Variants in MGST1 observed in about 807,000 individuals in gnomAD.
MGST1 encodes glutathione S-transferase 12.
Under a neutral mutation model 8.9 loss-of-function variants are expected in MGST1, and 5 were observed. The ratio of observed to expected loss-of-function variants is 0.56; its 90% CI spans 0.29 to 1.19. The LOEUF (loss-of-function observed/expected upper bound fraction) is 1.19. MGST1 is among the 50% of genes most tolerant of loss of function. The pLI, the probability that MGST1 is intolerant of heterozygous loss-of-function variation, is 0.08. For synonymous variants in MGST1, 54 were observed against 67.8 expected (o/e 0.80, Z 1.00); for missense variants, 182 against 187.4 (o/e 0.97, Z 0.17).
chr12:16,347,904 T>G lies in MGST1; in HGVS notation c.-23+194T>G, dbSNP rs901835443. 2 of 152,214 alleles carry G rather than the reference T, an allele frequency of 1.3e-5. No homozygotes were observed. The highest frequency in any genetic ancestry group is 4.8e-5 in the African/African-American group (2 of 41,448). 9.4% of individuals were successfully genotyped at this position (152,214 alleles called of 1,614,324 possible). On this transcript the variant is annotated intron_variant, in intron 1 of 3. Transcript: ENST00000396210. The surrounding 1 kb of genome is among the most constrained non-coding windows in gnomAD (Gnocchi z 4.0). ...GTATTTCTGTCCCCGTGCGGGTAAG[T>G]TTTCCCATTTCTCAAACTCCAGGAA...
chr12:16,364,453 T>C (rs1338636081), downstream of MGST1: 9 of 956,578 alleles, frequency 9.4e-6, no homozygotes, highest in African/African-American at 1.8e-5. The surrounding 1 kb of genome is among the most constrained non-coding windows in gnomAD (Gnocchi z 5.7). Flanking sequence ...TTTTCAAAAG[T>C]TTCAAACCTA....
intron 4 of MGST1, chr12:16,549,097 C>T (rs1384900995): frequency 1.3e-5 from 2 of 152,176 alleles, no homozygotes; most frequent in African/African-American, 4.8e-5. Context: ...TATAATTTTA[C>T]ATCCATGTGA....
intron 1 of MGST1, among the ~76,000 whole-genome samples, chr12:16,430,516 G>T (rs750809935): frequency 2.0e-5 from 3 of 152,190 alleles, no homozygotes; most frequent in Non-Finnish European, 2.9e-5. Context: ...AATGGATATT[G>T]TGTTAGCAGG....
At chr12:16,526,108 G>A (rs1269039984) in intron 4 of MGST1, among the ~76,000 whole-genome samples, 7 of 147,650 alleles carry the variant, frequency 4.7e-5, no homozygotes, top group Admixed American at 4.7e-4. Context: ...TGTTCACTCT[G>A]ATGGTAGTTT....
chr12:16,512,505 C>T (rs903206116), intron 4 of MGST1, among the ~76,000 whole-genome samples: 1 of 152,120 alleles, frequency 6.6e-6, no homozygotes, highest in African/African-American at 2.4e-5. Context: ...ACCAATAAAA[C>T]AATGTAAAAA....
intron 1 of MGST1, among the ~76,000 whole-genome samples, chr12:16,403,611 G>C (rs752272638): frequency 1.3e-5 from 2 of 151,904 alleles, no homozygotes; most frequent in East Asian, 3.9e-4. Flanking sequence ...CATTATGTTT[G>C]TATTAGTCTC....
chr12:16,383,841 G>A (rs1424697973), intron 1 of MGST1, among the ~76,000 whole-genome samples: 1 of 152,180 alleles, frequency 6.6e-6, no homozygotes, highest in Non-Finnish European at 1.5e-5. Context: ...TTCTGTGTGT[G>A]TCTGCACATG....
exon 4 of MGST1, chr12:16,376,502 G>A (rs907300116): frequency 4.2e-5 from 7 of 165,202 alleles, no homozygotes; most frequent in African/African-American, 1.7e-4. Flanking sequence ...AAATGCTCCA[G>A]GACCAGAAAC....
chr12:16,506,467 A>T (rs192900488), intron 4 of MGST1, among the ~76,000 whole-genome samples: 1 of 152,264 alleles, frequency 6.6e-6, no homozygotes, highest in Non-Finnish European at 1.5e-5. Context: ...CTTGTAAGAT[A>T]TGCAGAAACC....
rs1943272555 is a variant in MGST1, at chr12:16,584,983, G to A, written n.483-4545G>A. Among the ~76,000 whole-genome samples the A allele has an allele frequency of 6.6e-6, 1 of 152,186 alleles. No homozygotes were observed. Among genetic ancestry groups the A allele is most frequent in the African/African-American group, 2.4e-5 (1 of 41,450 alleles). ...CTGACCAAAAAGTTACATACTAGTA[G>A]CTGTGTGCCACATTAGAGTTAGTTG... On this transcript the variant is annotated intron_variant and non_coding_transcript_variant, in intron 4 of 4. Coordinates refer to the MGST1 transcript ENST00000538857. This position sits in a 1 kb window ranked among gnomAD's most constrained non-coding sequence, Gnocchi z 5.2.
At position 16,500,963 on chromosome 12, in the gene MGST1, G is replaced by T. The variant is rs557042235; in HGVS notation, n.483-88565G>T. Among the ~76,000 whole-genome samples, 3 of 152,106 alleles carry T rather than the reference G, an allele frequency of 2.0e-5. No individual in the cohort carries two copies. The highest frequency in any genetic ancestry group is 2.1e-4 in the South Asian group (1 of 4,816). The stretch of plus-strand genomic sequence containing the variant: ...TGCTGAAAATACAAAAAACTTAGCT[G>T]GGTATGGTGGTGTGCACCTGTAGTC... On this transcript the variant is annotated intron_variant and non_coding_transcript_variant, in intron 4 of 4. Coordinates refer to the MGST1 transcript ENST00000538857. The surrounding 1 kb of genome is among the most constrained non-coding windows in gnomAD (Gnocchi z 4.3).
intron 3 of MGST1, among the ~76,000 whole-genome samples, chr12:16,359,451 T>C (rs1350548935): frequency 2.0e-5 from 3 of 152,262 alleles, no homozygotes; most frequent in Non-Finnish European, 2.9e-5. Context: ...CTTAGTTATA[T>C]ACTTCTTAAT....
At chr12:16,419,795 A>G (rs1940818447) in intron 1 of MGST1, among the ~76,000 whole-genome samples, 1 of 152,120 alleles carries the variant, frequency 6.6e-6, no homozygotes, top group African/African-American at 2.4e-5. Flanking sequence ...TTTCTGCTTC[A>G]GTGATATGGA....
At chr12:16,391,876 G>C (rs1452141425) in intron 1 of MGST1, among the ~76,000 whole-genome samples, 1 of 152,084 alleles carries the variant, frequency 6.6e-6, no homozygotes, top group East Asian at 1.9e-4. Flanking sequence ...CATAGTTTTG[G>C]GTTTTACATT....
At chr12:16,481,814 G>C (rs1941366173) in intron 4 of MGST1, among the ~76,000 whole-genome samples, 1 of 151,842 alleles carries the variant, frequency 6.6e-6, no homozygotes, top group Non-Finnish European at 1.5e-5. Flanking sequence ...ATACAGGGGG[G>C]TATGGGGGGT....
At chr12:16,554,198 C>A (rs1160104119) in intron 4 of MGST1, among the ~76,000 whole-genome samples, 1 of 152,048 alleles carries the variant, frequency 6.6e-6, no homozygotes, top group Non-Finnish European at 1.5e-5. Context: ...AGTAAATCAT[C>A]CTTATAAAAT....
In MGST1 at chr12:16,395,668, T is replaced by G. The variant is rs540143169; in HGVS notation, n.778+12064T>G. On this transcript the variant is annotated intron_variant and non_coding_transcript_variant, in intron 1 of 1. Transcript: ENST00000359720. ...TCTACTTATGAGTGAGAACATAAAA[T>G]ATTTGGTTTTCCATTCCCGAGTTAC... 3.5e-3 allele frequency among the ~76,000 whole-genome samples: 523 copies of G among 150,798 alleles called. 5 individuals carry two copies. Among genetic ancestry groups the G allele is most frequent in the African/African-American group, 0.012 (502 of 40,970 alleles).
At chr12:16,551,144 C>A in intron 4 of MGST1, 3 of 937,760 alleles carry the variant, frequency 3.2e-6, no homozygotes, top group South Asian at 2.7e-5. Flanking sequence ...GTTCCTGTGT[C>A]AATTCTTATG....
At chr12:16,542,976 C>G (rs1434153210) in intron 4 of MGST1, among the ~76,000 whole-genome samples, 1 of 152,168 alleles carries the variant, frequency 6.6e-6, no homozygotes, top group Non-Finnish European at 1.5e-5. Context: ...GATGCCTTTT[C>G]TAATGTGCCC....
Sources: gnomAD v4.1 joint callset for allele counts (sites outside exome capture counted in the v4.1 genomes callset) on GRCh38, gnomAD v4.1.1 for gene constraint, Gnocchi (gnomAD v3.1) non-coding constraint, MANE v1.5 for transcripts, NCBI Gene and HGNC (gene_info 2026-07-23, HGNC 2026-07-21) for gene names.